SPRY1: variants seen among roughly 807,000 people sequenced by gnomAD.
SPRY1 encodes the protein protein sprouty homolog 1.
In SPRY1, 20 loss-of-function variants were observed where a neutral mutation model predicts 22.6. The ratio of observed to expected loss-of-function variants is 0.89; its 90% CI spans 0.62 to 1.29. The LOEUF (loss-of-function observed/expected upper bound fraction) is 1.29, where lower values mean the gene tolerates loss of function less well. SPRY1 is among the 50% of genes most tolerant of loss of function. The pLI, the probability that SPRY1 is intolerant of heterozygous loss-of-function variation, is 0.00. For synonymous variants in SPRY1, 155 were observed against 144.7 expected, an observed-to-expected ratio of 1.07 and a Z score of -0.51; for missense variants, 446 against 387.7, an observed-to-expected ratio of 1.15 and a Z score of -1.26.
rs1216374497 is a variant in SPRY1 at position 123,403,464 on chromosome 4, C to T, written c.*913C>T. The T allele has an allele frequency of 6.0e-6, 1 of 167,060 alleles. No homozygotes were observed. The highest frequency in any genetic ancestry group is 2.4e-5 in the African/African-American group (1 of 41,434). 10.3% of individuals were successfully genotyped at this position (167,060 alleles called of 1,614,324 possible). A position where few individuals can be genotyped will look rare whatever the true frequency, so the allele number is the denominator to read the frequency against. On this transcript the variant is annotated 3_prime_UTR_variant, in exon 3 of 3. Coordinates refer to ENST00000651917, the MANE Select transcript of SPRY1 (RefSeq NM_001258038.2). ...GTTAACAGCTGAGTAATTCTAATCTCTTCTGTGTTTTCCTTGCCTTAACCA... is the reference window on the plus strand; with the variant it reads ...GTTAACAGCTGAGTAATTCTAATCTTTTCTGTGTTTTCCTTGCCTTAACCA...
chr4:123,399,782 A>G (rs1357798503), intron 2 of SPRY1: 2 of 152,168 alleles, frequency 1.3e-5, no homozygotes, highest in African/African-American at 4.8e-5. Context: ...TGGTGATGGG[A>G]TTGTCCGAAA....
intron 2 of SPRY1, among the ~76,000 whole-genome samples, chr4:123,399,279 G>C (rs1725050007): frequency 6.6e-6 from 1 of 152,112 alleles, no homozygotes; most frequent in Admixed American, 6.5e-5. Context: ...GAGAGACTGA[G>C]GCGGGAGACC....
chr4:123,399,582 G>C (rs549726807), intron 2 of SPRY1: 109 of 152,446 alleles, frequency 7.2e-4, no homozygotes, highest in African/African-American at 2.6e-3. Context: ...CCCTGCGCTG[G>C]CTTCTTTCTC....
intron 2 of SPRY1, among the ~76,000 whole-genome samples, chr4:123,399,051 CAG>C (rs950710648): frequency 9.2e-5 from 14 of 152,144 alleles, no homozygotes; most frequent in East Asian, 5.8e-4. Context: ...AGTGCAAAGA[CAG>C]GGGAAGGGAG....
chr4:123,400,638 C>T (rs866948610), intron 2 of SPRY1, among the ~76,000 whole-genome samples: 1 of 152,100 alleles, frequency 6.6e-6, no homozygotes, highest in East Asian at 1.9e-4. Context: ...ATTGGCAGTG[C>T]GTTTGAAAAT....
At position 123,402,195 on chromosome 4, in the gene SPRY1, T is replaced by G. The variant is rs768635986; in HGVS notation, c.604T>G (p.Leu202Val). The change falls in exon 3 of 3, where the codon TTG becomes GTG. Residue 202 changes from leucine to valine, a missense_variant. Physicochemically the swap from Leu to Val is conservative, Grantham distance 32 (BLOSUM62 1). Transcript: ENST00000651917. The stretch of plus-strand genomic sequence containing the variant: ...TGCTCCCAGGACCCTACCATCCTGT[T>G]TGGCCTGTAACCGGCAGTGCCTTTG... ...CTAPRTLPSC[L>V]ACNRQCLCSA... is the part of the protein sequence containing the mutation. The G allele has an allele frequency of 4.6e-5, 75 of 1,614,226 alleles. No individual in the cohort carries two copies. Among genetic ancestry groups the G allele is most frequent in the Non-Finnish European group, 6.4e-5 (75 of 1,180,044 alleles).
chr4:123,402,214 G>A lies in SPRY1; in HGVS notation c.623G>A (p.Cys208Tyr), dbSNP rs1244091949. ...TCCTGTTTGGCCTGTAACCGGCAGT[G>A]CCTTTGCTCTGCTGAGAGCATGGTG... ...LPSCLACNRQ[C>Y]LCSAESMVEY... is the part of the protein sequence containing the mutation. The change falls in exon 3 of 3, where the codon TGC becomes TAC. Residue 208 changes from cysteine to tyrosine, a missense_variant. By Grantham distance (194) the Cys-to-Tyr change is radical (BLOSUM62 -2). Transcript: ENST00000651917. The A allele has an allele frequency of 1.2e-6, 2 of 1,614,114 alleles. No individual in the cohort carries two copies. Among genetic ancestry groups the A allele is most frequent in the Non-Finnish European group, 1.7e-6 (2 of 1,180,048 alleles).
intron 1 of SPRY1, 75 bp from the exon 2 acceptor site, chr4:123,397,536 A>G (rs912216471): frequency 2.2e-4 from 33 of 152,330 alleles, no homozygotes; most frequent in Non-Finnish European, 4.4e-5. Context: ...CGAGCTGGCC[A>G]GCGGCCCGCC....
In SPRY1 at chr4:123,401,607, C is replaced by G. The variant is rs749729525; in HGVS notation, c.16C>G (p.Gln6Glu). 1.2e-6 allele frequency: 2 copies of G among 1,614,024 alleles called. No homozygotes were observed. Among genetic ancestry groups the G allele is most frequent in the Admixed American group, 3.3e-5 (2 of 60,016 alleles). The change falls in exon 3 of 3, where the codon CAA (glutamine) becomes GAA (glutamate). Residue 6 changes from glutamine (Q) to glutamate (E), a missense_variant. Gln to Glu is a conservative substitution (Grantham distance 29). Coordinates refer to ENST00000651917, the MANE Select transcript of SPRY1 (RefSeq NM_001258038.2). ...ATCACTACACATGGATCCCCAAAAT[C>G]AACATGGCAGTGGCAGTTCGTTAGT... is the stretch of plus-strand genomic sequence containing the variant. MDPQN[Q>E]HGSGSSLVVI...
chr4:123,398,824 C>T (rs1725025282), intron 2 of SPRY1, among the ~76,000 whole-genome samples: 1 of 151,730 alleles, frequency 6.6e-6, no homozygotes, highest in African/African-American at 2.4e-5. Flanking sequence ...CCAGGTTGTC[C>T]TCTCGGAGAG....
At chr4:123,401,281 G>A (rs1439114684) in intron 2 of SPRY1, among the ~76,000 whole-genome samples, 1 of 152,110 alleles carries the variant, frequency 6.6e-6, no homozygotes, top group African/African-American at 2.4e-5. Context: ...TCCTGATTCT[G>A]CTTCTTAAAA....
intron 1 of SPRY1, 111 bp from the exon 2 acceptor site, chr4:123,397,500 G>C (rs1469345819): frequency 1.3e-5 from 2 of 152,338 alleles, no homozygotes; most frequent in African/African-American, 4.8e-5. Flanking sequence ...AGCAGCAACA[G>C]GGAGCACATG....
In SPRY1 at chr4:123,401,554, A is replaced by G; in HGVS notation, c.-38A>G. 7.0e-6 allele frequency: 11 copies of G among 1,580,064 alleles called. No individual in the cohort carries two copies. Among genetic ancestry groups the G allele is most frequent in the South Asian group, 1.2e-5 (1 of 86,440 alleles). On this transcript the variant is annotated 5_prime_UTR_variant, in exon 3 of 3. Coordinates refer to ENST00000651917, the MANE Select transcript of SPRY1 (RefSeq NM_001258038.2). ...CGTTTTAGGATTTCAGATGCATGCC[A>G]GGTTTCCACTGATTGCCAGAACTCG...
Position 123,402,173 on chromosome 4 carries a change from T to C in SPRY1, c.582T>C (p.Ala194=), listed in dbSNP as rs746006821. Residue 194 remains alanine (A), a synonymous_variant, in exon 3 of 3, where the codon GCT becomes GCC. Coordinates refer to ENST00000651917, the MANE Select transcript of SPRY1 (RefSeq NM_001258038.2). The part of the protein sequence containing the change: ...CGKCKCGECT[A]PRTLPSCLAC... The stretch of plus-strand genomic sequence containing the variant: ...AGTGCAAGTGTGGAGAATGCACTGC[T>C]CCCAGGACCCTACCATCCTGTTTGG... 1 of 1,614,182 alleles carries C rather than the reference T, an allele frequency of 6.2e-7. No homozygotes were observed. Among genetic ancestry groups the C allele is most frequent in the Admixed American group, 1.7e-5 (1 of 60,022 alleles).
chr4:123,400,711 A>G (rs934052922), intron 2 of SPRY1, among the ~76,000 whole-genome samples: 2 of 152,256 alleles, frequency 1.3e-5, no homozygotes, highest in African/African-American at 4.8e-5. Flanking sequence ...TAAAACTGCC[A>G]GGATTTCCCT....
Position 123,402,094 on chromosome 4 carries a change from GT to G in SPRY1, c.505del (p.Ser169ProfsTer2), listed in dbSNP as rs1560733223. The G allele has an allele frequency of 6.2e-7, 1 of 1,614,190 alleles. No homozygotes were observed. Among genetic ancestry groups the G allele is most frequent in the Non-Finnish European group, 8.5e-7 (1 of 1,180,036 alleles). On this transcript the variant is annotated frameshift_variant, in exon 3 of 3. Coordinates refer to ENST00000651917, the MANE Select transcript of SPRY1 (RefSeq NM_001258038.2). LOFTEE classifies it high-confidence loss of function. ...PKQLIVDDLK[G>X]SLKEDLTQHK... The stretch of plus-strand genomic sequence containing the variant: ...CAACTGATTGTGGATGACTTGAAGG[GT>G]TCCTTGAAAGAGGACCTGACACAGC...
At chr4:123,399,597 G>C (rs1725065410) in intron 2 of SPRY1, 1 of 152,316 alleles carries the variant, frequency 6.6e-6, no homozygotes, top group Admixed American at 6.5e-5. Flanking sequence ...TTTCTCCTCG[G>C]CCCTCGGTGA....
chr4:123,398,664 C>T (rs1302891184), intron 2 of SPRY1, among the ~76,000 whole-genome samples: 2 of 151,814 alleles, frequency 1.3e-5, no homozygotes, highest in South Asian at 4.1e-4. Context: ...TCGCTCGGCG[C>T]GGCCCCTCCC....
chr4:123,403,608 CTAT>C lies in SPRY1; in HGVS notation c.*1062_*1064del, dbSNP rs950838912. On this transcript the variant is annotated 3_prime_UTR_variant, in exon 3 of 3. Transcript: ENST00000651917. ...TAAAGAATATTTATTATGCGAATCT[CTAT>C]TATTTTATGGTATTTATTGCAAAAG... 8.4e-5 allele frequency: 14 copies of C among 167,046 alleles called. No homozygotes were observed. The highest frequency in any genetic ancestry group is 1.7e-4 in the African/African-American group (7 of 41,532). 10.3% of individuals were successfully genotyped at this position (167,046 alleles called of 1,614,324 possible).
Sources: allele counts gnomAD v4.1 joint callset (sites outside exome capture counted in the v4.1 genomes callset), GRCh38; gene constraint gnomAD v4.1.1; transcripts MANE v1.5; gene names NCBI Gene and HGNC (gene_info 2026-07-23, HGNC 2026-07-21).